Variants in NME7 observed in about 807,000 individuals in gnomAD.
NME7 encodes the protein NME/NM23 family member 7, also known as nucleoside diphosphate kinase 7.
A neutral mutation model predicts 49.1 loss-of-function variants in NME7; 41 were observed. The observed-to-expected ratio is 0.83, with a 90% confidence interval of 0.65 to 1.08. The LOEUF is 1.08. Among genes scored for constraint, NME7 ranks in the 50% least tolerant of loss-of-function variants. NME7 has a pLI of 0.00. For missense variants in NME7, 423 were observed against 463.4 expected (o/e 0.91, Z 0.80); for synonymous variants, 139 against 150.6 (o/e 0.92, Z 0.56).
intron 10 of NME7, among the ~76,000 whole-genome samples, chr1:169,173,895 G>T (rs1473674735): frequency 3.3e-5 from 5 of 152,130 alleles, no homozygotes; most frequent in Admixed American, 2.6e-4. Context: ...TTCTTAAAAA[G>T]TTATTGCAGT....
At chr1:169,159,154 G>A (rs1391248035) in intron 11 of NME7, among the ~76,000 whole-genome samples, 1 of 152,136 alleles carries the variant, frequency 6.6e-6, no homozygotes, top group Non-Finnish European at 1.5e-5. Flanking sequence ...GTGGGCGAGG[G>A]AGGAAGTGTT....
At chr1:169,268,433 T>C (rs928782767) in intron 7 of NME7, among the ~76,000 whole-genome samples, 1 of 133,766 alleles carries the variant, frequency 7.5e-6, no homozygotes, top group Non-Finnish European at 1.8e-5. Flanking sequence ...GCAATCCCAT[T>C]ACTGGGTACA....
At chr1:169,249,558 C>A (rs906133113) in intron 7 of NME7, among the ~76,000 whole-genome samples, 1 of 152,078 alleles carries the variant, frequency 6.6e-6, no homozygotes, top group Non-Finnish European at 1.5e-5. Flanking sequence ...TGTCTTGTTC[C>A]AGTTCTCAAG....
At chr1:169,286,970 A>AAAAAAAAAG (rs1650298632) in intron 7 of NME7, 1 of 194,194 alleles carries the variant, frequency 5.1e-6, no homozygotes, top group African/African-American at 2.3e-5. Context: ...AAAAAAAAAA[A>AAAAAAAAAG]GTGCTATTGA....
chr1:169,159,938 A>T (rs912899117), intron 11 of NME7, among the ~76,000 whole-genome samples: 1 of 152,006 alleles, frequency 6.6e-6, no homozygotes, highest in African/African-American at 2.4e-5. Context: ...CCTAACCATG[A>T]TCCTAGGTGA....
At chr1:169,319,454 A>C (rs1651773092) in intron 3 of NME7, among the ~76,000 whole-genome samples, 1 of 152,166 alleles carries the variant, frequency 6.6e-6, no homozygotes, top group African/African-American at 2.4e-5. Flanking sequence ...AAGGTGATTT[A>C]GTTCAAAAGG....
At chr1:169,262,124 A>T (rs79432722) in intron 7 of NME7, among the ~76,000 whole-genome samples, 11,924 of 133,538 alleles carry the variant, frequency 0.089, 3,214 homozygotes, top group East Asian at 0.75. Context: ...ATGATGAGCA[A>T]TTTCCATTGA....
chr1:169,147,195 A>G (rs986213836), intron 11 of NME7, among the ~76,000 whole-genome samples: 1 of 152,230 alleles, frequency 6.6e-6, no homozygotes, highest in Non-Finnish European at 1.5e-5. Context: ...GAATAAAAAT[A>G]TCAGTTAATA....
At chr1:169,194,319 T>C (rs1244933868) in intron 10 of NME7, among the ~76,000 whole-genome samples, 1 of 152,156 alleles carries the variant, frequency 6.6e-6, no homozygotes, top group Non-Finnish European at 1.5e-5. Context: ...AGGAGCCCAC[T>C]GGTCTGGACT....
In NME7 at chr1:169,271,300, C is replaced by T. The variant is rs1426081233; in HGVS notation, c.754+16003G>A. ...GATAAGGCAGTAAATCAGTAAATAA[C>T]TTCACTGTTGGCTTCAGGAACTTCC... is the stretch of plus-strand genomic sequence containing the variant. On this transcript the variant is annotated intron_variant, in intron 7 of 11. Transcript: ENST00000367811. Among the ~76,000 whole-genome samples the T allele has an allele frequency of 1.5e-5, 2 of 133,464 alleles. 1 individual carries two copies. Among genetic ancestry groups the T allele is most frequent in the Non-Finnish European group, 3.5e-5 (2 of 56,856 alleles). The allele number at this position is 133,464 out of a possible 152,430, so 87.6% of individuals were successfully genotyped here.
At chr1:169,201,587 T>C (rs1660552698) in intron 10 of NME7, among the ~76,000 whole-genome samples, 1 of 152,116 alleles carries the variant, frequency 6.6e-6, no homozygotes, top group South Asian at 2.1e-4. Context: ...AAGGACTTGA[T>C]TGACTATAAT....
At chr1:169,279,518 C>T (rs528041495) in intron 7 of NME7, among the ~76,000 whole-genome samples, 122 of 152,180 alleles carry the variant, frequency 8.0e-4, no homozygotes, top group Non-Finnish European at 1.2e-3. Context: ...CCTTCTGGTG[C>T]GCCATTTCCT....
intron 10 of NME7, among the ~76,000 whole-genome samples, chr1:169,185,060 G>A (rs78236614): frequency 2.7e-3 from 406 of 152,216 alleles, no homozygotes; most frequent in African/African-American, 9.1e-3. Context: ...CCCATGCAAC[G>A]TTTCACAGGA....
At chr1:169,231,206 CA>C (rs1319084542) in intron 9 of NME7, among the ~76,000 whole-genome samples, 2 of 152,002 alleles carry the variant, frequency 1.3e-5, no homozygotes, top group Non-Finnish European at 2.9e-5. Flanking sequence ...TGCATTCTAG[CA>C]ACAAGAAATA....
intron 5 of NME7, among the ~76,000 whole-genome samples, chr1:169,300,691 C>G (rs967506813): frequency 6.6e-5 from 10 of 151,756 alleles, no homozygotes; most frequent in Admixed American, 2.6e-4. Flanking sequence ...AAAAGTACAA[C>G]AGGCTACAGT....
intron 1 of NME7, among the ~76,000 whole-genome samples, chr1:169,353,811 C>A (rs570736983): frequency 1.3e-5 from 2 of 152,148 alleles, no homozygotes; most frequent in Admixed American, 1.3e-4. Flanking sequence ...TGCTCAATAT[C>A]ATTGATCATG....
chr1:169,156,761 C>T (rs773073277), intron 11 of NME7, among the ~76,000 whole-genome samples: 7 of 152,110 alleles, frequency 4.6e-5, no homozygotes, highest in South Asian at 2.1e-4. Flanking sequence ...CCCACTATGA[C>T]GGGATATAGG....
At chr1:169,228,221 T>C (rs1647427356) in intron 10 of NME7, among the ~76,000 whole-genome samples, 1 of 152,108 alleles carries the variant, frequency 6.6e-6, no homozygotes, top group South Asian at 2.1e-4. Flanking sequence ...GGCTTCTATA[T>C]ATTCACAAAT....
chr1:169,325,154 C>T (rs1171525348), intron 1 of NME7, among the ~76,000 whole-genome samples: 1 of 151,948 alleles, frequency 6.6e-6, no homozygotes, highest in South Asian at 2.1e-4. Context: ...CCGATAAAAA[C>T]AATAGAAGTT....
Sources: gnomAD v4.1 joint callset for allele counts (sites outside exome capture counted in the v4.1 genomes callset) on GRCh38, gnomAD v4.1.1 for gene constraint, MANE v1.5 for transcripts, NCBI Gene and HGNC (gene_info 2026-07-23, HGNC 2026-07-21) for gene names.